KAZN: variants seen among roughly 807,000 people sequenced by gnomAD.
KAZN encodes kazrin.
Under a neutral mutation model 87.4 loss-of-function variants are expected in KAZN, and 40 were observed. The observed-to-expected ratio is 0.46, with a 90% CI of 0.36 to 0.60. The LOEUF (loss-of-function observed/expected upper bound fraction) is 0.60. KAZN is among the 20% of genes least tolerant of loss of function. The probability of loss-of-function intolerance (pLI) is 0.00; values close to 1 mark genes in which losing one functional copy is unlikely to be tolerated. For missense variants in KAZN, 898 were observed against 1,073.9 expected, an observed-to-expected ratio of 0.84 and a Z score of 2.29; for synonymous variants, 466 against 458.3, an observed-to-expected ratio of 1.02 and a Z score of -0.22.
At chr1:14,114,739 G>T (rs1484369980) in intron 1 of KAZN, among the ~76,000 whole-genome samples, 2 of 152,168 alleles carry the variant, frequency 1.3e-5, no homozygotes, top group African/African-American at 4.8e-5. Flanking sequence ...TGTCATTCTA[G>T]ACACAGTGTC....
At chr1:14,122,646 C>T (rs1331487749) in intron 1 of KAZN, among the ~76,000 whole-genome samples, 4 of 152,122 alleles carry the variant, frequency 2.6e-5, no homozygotes, top group Admixed American at 1.3e-4. Flanking sequence ...AATTGTCTCC[C>T]GGTTATAAAG....
intron 1 of KAZN, among the ~76,000 whole-genome samples, chr1:14,074,549 A>G (rs928519717): frequency 1.3e-5 from 2 of 152,124 alleles, no homozygotes; most frequent in South Asian, 2.1e-4. Flanking sequence ...GGTCCCGGGT[A>G]CTTAGAGGTC....
chr1:15,101,885 C>A, intron 11 of KAZN, 111 bp downstream of exon 11: 1 of 688,568 alleles, frequency 1.5e-6, no homozygotes, highest in East Asian at 2.7e-5. Flanking sequence ...ATCTGTCCAC[C>A]CATCCATCCA....
At chr1:14,056,257 A>G (rs1642550364) in intron 1 of KAZN, among the ~76,000 whole-genome samples, 1 of 152,226 alleles carries the variant, frequency 6.6e-6, no homozygotes, top group Non-Finnish European at 1.5e-5. Flanking sequence ...GTGTGATTAA[A>G]TTATGAACCT....
At chr1:13,993,016 A>G (rs1639356131) in intron 1 of KAZN, among the ~76,000 whole-genome samples, 1 of 152,172 alleles carries the variant, frequency 6.6e-6, no homozygotes, top group South Asian at 2.1e-4. Flanking sequence ...CAAATATTTC[A>G]TTTCCCTTCT....
At chr1:14,900,299 T>C (rs551473336) in intron 1 of KAZN, among the ~76,000 whole-genome samples, 2 of 152,168 alleles carry the variant, frequency 1.3e-5, no homozygotes, top group African/African-American at 4.8e-5. Flanking sequence ...CTTGTGTTTT[T>C]CAGATGCTTG....
At chr1:14,417,011 T>TACACACACACGTACACAC (rs1553169163) in intron 2 of KAZN, among the ~76,000 whole-genome samples, 1 of 145,518 alleles carries the variant, frequency 6.9e-6, no homozygotes, top group Non-Finnish European at 1.5e-5. Context: ...TATATATATG[T>TACACACACACGTACACAC]ACACACACAC....
chr1:14,431,827 T>C (rs1365640654), intron 2 of KAZN, among the ~76,000 whole-genome samples: 2 of 152,184 alleles, frequency 1.3e-5, no homozygotes, highest in Non-Finnish European at 2.9e-5. Context: ...GGCTGCACTG[T>C]TGTCTTCCCT....
chr1:14,559,290 A>T (rs996236640), intron 2 of KAZN, among the ~76,000 whole-genome samples: 1 of 152,214 alleles, frequency 6.6e-6, no homozygotes, highest in African/African-American at 2.4e-5. Flanking sequence ...TGCATGTTGA[A>T]TGAATAATTC....
At chr1:14,472,667 A>G (rs952415161) in intron 2 of KAZN, among the ~76,000 whole-genome samples, 2 of 151,050 alleles carry the variant, frequency 1.3e-5, no homozygotes, top group African/African-American at 4.9e-5. Flanking sequence ...TTCCTTCACA[A>G]TTTGCTGGAA....
At chr1:14,391,138 C>T (rs1410752) in intron 2 of KAZN, among the ~76,000 whole-genome samples, 7,074 of 152,176 alleles carry the variant, frequency 0.046, 355 homozygotes, top group East Asian at 0.28. Context: ...TTATAATACC[C>T]AGGAATGAGG....
Position 14,340,888 on chromosome 1 carries a change from C to CTTTTTTTTTTTTTT in KAZN, c.249+160300_249+160313dup, listed in dbSNP as rs3085672. Among the ~76,000 whole-genome samples the CTTTTTTTTTTTTTT allele has an allele frequency of 1.3e-3, 132 of 103,138 alleles. 15 individuals are homozygous for CTTTTTTTTTTTTTT. Among genetic ancestry groups the CTTTTTTTTTTTTTT allele is most frequent in the African/African-American group, 4.4e-3 (108 of 24,742 alleles). 67.7% of individuals were successfully genotyped at this position (103,138 alleles called of 152,430 possible). ...ATCTCCGTAAGGGTCATGATTTTCC[C>CTTTTTTTTTTTTTT]TTTTTTTTTTTTTTTTTGAGATGGA... On this transcript the variant is annotated intron_variant, in intron 2 of 16. Coordinates refer to the KAZN transcript ENST00000636203.
At chr1:14,297,631 T>G (rs937345669) in intron 2 of KAZN, among the ~76,000 whole-genome samples, 5 of 152,084 alleles carry the variant, frequency 3.3e-5, no homozygotes, top group Admixed American at 3.3e-4. Flanking sequence ...CTCTCCACCA[T>G]CCACCCTAGG....
At chr1:14,813,169 G>T (rs1017974649) in intron 1 of KAZN, among the ~76,000 whole-genome samples, 3 of 152,134 alleles carry the variant, frequency 2.0e-5, no homozygotes, top group African/African-American at 7.2e-5. Flanking sequence ...CCATTCATGG[G>T]TATGGTGGAT....
intron 2 of KAZN, among the ~76,000 whole-genome samples, chr1:15,031,076 G>A (rs1304387957): frequency 2.0e-5 from 3 of 152,202 alleles, no homozygotes; most frequent in South Asian, 2.1e-4. Flanking sequence ...AGGATTGGAC[G>A]TTCAGGACAA....
intron 2 of KAZN, among the ~76,000 whole-genome samples, chr1:14,405,244 C>A (rs917099722): frequency 3.3e-5 from 5 of 152,228 alleles, no homozygotes; most frequent in South Asian, 4.1e-4. Context: ...ATGAGGAATG[C>A]AAGATACTTT....
At chr1:14,392,891 G>A (rs893996101) in intron 2 of KAZN, among the ~76,000 whole-genome samples, 1 of 152,138 alleles carries the variant, frequency 6.6e-6, no homozygotes, top group Admixed American at 6.5e-5. Context: ...CTGAATAAGT[G>A]TATACATTTT....
chr1:14,606,236 C>T (rs1449283872), intron 1 of KAZN, among the ~76,000 whole-genome samples: 1 of 152,230 alleles, frequency 6.6e-6, no homozygotes, highest in African/African-American at 2.4e-5. Flanking sequence ...TGCCCTGCCT[C>T]CTAAGTCAGA....
At chr1:14,183,920 C>T (rs1646251946) in intron 2 of KAZN, among the ~76,000 whole-genome samples, 1 of 18,234 alleles carries the variant, frequency 5.5e-5, no homozygotes, top group South Asian at 1.6e-3. Flanking sequence ...AGGAGGCTGC[C>T]CTGGGTCTGG....
Sources: allele counts gnomAD v4.1 joint callset (sites outside exome capture counted in the v4.1 genomes callset), GRCh38; gene constraint gnomAD v4.1.1; transcripts MANE v1.5; gene names NCBI Gene and HGNC (gene_info 2026-07-23, HGNC 2026-07-21).